STX18: variants seen among roughly 807,000 people sequenced by gnomAD.
The protein encoded by STX18 is syntaxin 18.
A neutral mutation model predicts 50.1 loss-of-function variants in STX18; 40 were observed. The observed-to-expected ratio is 0.80, with a 90% CI of 0.62 to 1.04. The LOEUF is 1.04. STX18 is among the 50% of genes least tolerant of loss of function. The pLI is 0.00. For missense variants in STX18, 410 were observed against 415.8 expected, an observed-to-expected ratio of 0.99 and a Z score of 0.12; for synonymous variants, 158 against 151.8, an observed-to-expected ratio of 1.04 and a Z score of -0.30.
At chr4:4,464,259 C>T (rs909445510) in intron 2 of STX18, among the ~76,000 whole-genome samples, 4 of 152,118 alleles carry the variant, frequency 2.6e-5, no homozygotes, top group Admixed American at 6.5e-5. Context: ...GGGGAAGAGA[C>T]GAGACAAGAC....
chr4:4,518,231 G>C (rs538212579), intron 1 of STX18, among the ~76,000 whole-genome samples: 2 of 152,210 alleles, frequency 1.3e-5, no homozygotes, highest in South Asian at 4.1e-4. Flanking sequence ...TCTTATAACG[G>C]TTTGTTAAAC....
chr4:4,534,625 C>T (rs1028799152), intron 1 of STX18, among the ~76,000 whole-genome samples: 6 of 152,182 alleles, frequency 3.9e-5, no homozygotes, highest in African/African-American at 1.4e-4. Flanking sequence ...ATCAACACTG[C>T]GGATTAGTTT....
intron 1 of STX18, among the ~76,000 whole-genome samples, chr4:4,484,802 C>T (rs910222984): frequency 4.6e-5 from 7 of 152,170 alleles, no homozygotes; most frequent in African/African-American, 1.2e-4. Context: ...GAATCCCTGC[C>T]GGTTAATAAT....
At chr4:4,493,290 GC>G (rs1337998945) in intron 1 of STX18, among the ~76,000 whole-genome samples, 4 of 68,196 alleles carry the variant, frequency 5.9e-5, no homozygotes, top group Non-Finnish European at 6.2e-5. Flanking sequence ...CAACCCCCCC[GC>G]CCCCTCCACT....
rs1010222294 is a variant in STX18, at chr4:4,420,325, C to A, written c.913-196G>T. The A allele has an allele frequency of 1.8e-6, 1 of 569,030 alleles. No individual in the cohort carries two copies. The highest frequency in any genetic ancestry group is 3.0e-5 in the Admixed American group (1 of 33,372). 35.2% of individuals were successfully genotyped at this position (569,030 alleles called of 1,614,324 possible). A position where few individuals can be genotyped will look rare whatever the true frequency, so the allele number is the denominator to read the frequency against. On this transcript the variant is annotated intron_variant, in intron 10 of 10. Transcript: ENST00000306200. This position sits in a 1 kb window ranked among gnomAD's most constrained non-coding sequence, Gnocchi z 4.3. ...ATGGGTTATATTTCCCTCTGTTTGG[C>A]CATCATTTGGGTCCTGCACAATTCT...
intron 8 of STX18, among the ~76,000 whole-genome samples, chr4:4,424,892 A>G (rs1271108036): frequency 1.3e-5 from 2 of 152,080 alleles, no homozygotes; most frequent in Admixed American, 6.5e-5. Flanking sequence ...ATACGCAGGT[A>G]ATCTGTAGTC....
rs201249131 is a variant in STX18 at position 4,516,831 on chromosome 4, A to T, written c.168+24966T>A. ...TTTTGTATCACTTGCAGTAACAATGATGTTGTTATATAACAACATATTATA... is the reference window on the plus strand; with the variant it reads ...TTTTGTATCACTTGCAGTAACAATGTTGTTGTTATATAACAACATATTATA... On this transcript the variant is annotated intron_variant, in intron 1 of 10. Coordinates refer to ENST00000306200, the MANE Select transcript of STX18 (RefSeq NM_016930.4). 2.6e-4 allele frequency among the ~76,000 whole-genome samples: 40 copies of T among 152,366 alleles called. No individual in the cohort carries two copies. In the East Asian group the frequency reaches 4.8e-3, roughly 18 times the overall value.
chr4:4,471,750 C>T (rs1285069811), intron 1 of STX18, 44 bp from the exon 2 acceptor site: 2 of 1,323,912 alleles, frequency 1.5e-6, no homozygotes, highest in East Asian at 2.4e-5. Flanking sequence ...AGATATGTTA[C>T]ACTCATGTAA....
chr4:4,514,827 A>G (rs961701129), intron 1 of STX18, among the ~76,000 whole-genome samples: 10 of 152,130 alleles, frequency 6.6e-5, no homozygotes, highest in Non-Finnish European at 2.9e-5. Context: ...ATAAGGGGGT[A>G]TATGAGAGAG....
intron 1 of STX18, among the ~76,000 whole-genome samples, chr4:4,511,324 G>C (rs1729994289): frequency 1.3e-5 from 2 of 152,212 alleles, no homozygotes; most frequent in South Asian, 4.1e-4. Flanking sequence ...TGCCAGCAAT[G>C]CTTTATCAAG....
At chr4:4,539,381 T>G (rs1249550087) in intron 1 of STX18, among the ~76,000 whole-genome samples, 1 of 152,218 alleles carries the variant, frequency 6.6e-6, no homozygotes, top group Non-Finnish European at 1.5e-5. Context: ...CAGCCAAACT[T>G]TTGACATCTA....
At chr4:4,472,850 G>A (rs560808752) in intron 1 of STX18, among the ~76,000 whole-genome samples, 66 of 152,314 alleles carry the variant, frequency 4.3e-4, no homozygotes, top group African/African-American at 1.6e-3. Flanking sequence ...TTTGTCTGGA[G>A]ATATGTCAGT....
At chr4:4,451,428 C>T (rs1726746317) in intron 5 of STX18, among the ~76,000 whole-genome samples, 1 of 152,136 alleles carries the variant, frequency 6.6e-6, no homozygotes, top group African/African-American at 2.4e-5. Context: ...TTTCAGTATG[C>T]CTTGCTTTAT....
Position 4,419,826 on chromosome 4 carries a change from G to C in STX18, c.*208C>G. 1.9e-6 allele frequency: 1 copy of C among 530,738 alleles called. No individual in the cohort carries two copies. Among genetic ancestry groups the C allele is most frequent in the South Asian group, 2.1e-5 (1 of 47,390 alleles). 32.9% of individuals were successfully genotyped at this position (530,738 alleles called of 1,614,324 possible). The stretch of plus-strand genomic sequence containing the variant: ...AGGCTGCCTCCCATTGGTGTGCACT[G>C]TTTCCTTTTTCAGCTGCTAAATGGC... On this transcript the variant is annotated 3_prime_UTR_variant, in exon 11 of 11. Coordinates refer to ENST00000306200, the MANE Select transcript of STX18 (RefSeq NM_016930.4).
chr4:4,509,079 A>G (rs1337898362), intron 1 of STX18, among the ~76,000 whole-genome samples: 1 of 152,224 alleles, frequency 6.6e-6, no homozygotes, highest in African/African-American at 2.4e-5. Context: ...ATAGATACCC[A>G]CTAATGGGAT....
intron 5 of STX18, among the ~76,000 whole-genome samples, chr4:4,446,250 A>G (rs1039413266): frequency 6.6e-6 from 1 of 152,196 alleles, no homozygotes; most frequent in African/African-American, 2.4e-5. Context: ...AGAATCATAA[A>G]GCTTCTAGAA....
chr4:4,435,358 G>C (rs1358752233), intron 6 of STX18, among the ~76,000 whole-genome samples: 5 of 151,968 alleles, frequency 3.3e-5, no homozygotes, highest in African/African-American at 1.2e-4. Context: ...TTACTGCTTT[G>C]ATGTAGCTTC....
chr4:4,477,316 A>G (rs1728235682), intron 1 of STX18, among the ~76,000 whole-genome samples: 2 of 152,256 alleles, frequency 1.3e-5, no homozygotes, highest in South Asian at 4.1e-4. Context: ...ATTTTGAGGT[A>G]GAGATTTTCT....
Position 4,500,744 on chromosome 4 carries a change from A to G in STX18, c.169-29038T>C, listed in dbSNP as rs115100952. On this transcript the variant is annotated intron_variant, in intron 1 of 10. Coordinates refer to ENST00000306200, the MANE Select transcript of STX18 (RefSeq NM_016930.4). Reference sequence around the variant, plus strand: ...ACATAACATTTCATTGCTTAAATTTACCATAATTTGGCCAGGCACGGTGGC... The same window carrying G: ...ACATAACATTTCATTGCTTAAATTTGCCATAATTTGGCCAGGCACGGTGGC... Among the ~76,000 whole-genome samples the G allele has an allele frequency of 6.5e-3, 991 of 152,342 alleles. 5 individuals carry two copies. Among genetic ancestry groups the G allele is most frequent in the Non-Finnish European group, 8.7e-3 (590 of 68,028 alleles).
Sources: gnomAD v4.1 joint callset for allele counts (sites outside exome capture counted in the v4.1 genomes callset) on GRCh38, gnomAD v4.1.1 for gene constraint, Gnocchi (gnomAD v3.1) non-coding constraint, MANE v1.5 for transcripts, NCBI Gene and HGNC (gene_info 2026-07-23, HGNC 2026-07-21) for gene names.